Variants in CHL1 observed in about 807,000 individuals in gnomAD.
CHL1 encodes neural cell adhesion molecule L1-like protein.
In CHL1, 96 loss-of-function variants were observed where a neutral mutation model predicts 141.9. The observed-to-expected ratio is 0.68, with a 90% CI of 0.57 to 0.80. The LOEUF (loss-of-function observed/expected upper bound fraction) is 0.80, where lower values mean the gene tolerates loss of function less well. CHL1 is among the 30% of genes least tolerant of loss of function. CHL1 has a pLI of 0.00. For missense variants in CHL1, 1,820 were observed against 1,457.2 expected, an observed-to-expected ratio of 1.25 and a Z score of -4.05; for synonymous variants, 613 against 502.2, an observed-to-expected ratio of 1.22 and a Z score of -2.95.
rs12496889 is a variant in CHL1 at position 208,764 on chromosome 3, C to T, written c.-175+11701C>T. Reference sequence around the variant, plus strand: ...GTGGAAAATGGAGGTAATTCTGCAGCTATCCCATGTCCAAAAGTATTAAAA... The same window carrying T: ...GTGGAAAATGGAGGTAATTCTGCAGTTATCCCATGTCCAAAAGTATTAAAA... On this transcript the variant is annotated intron_variant, in intron 1 of 27. Coordinates refer to ENST00000256509, the MANE Select transcript of CHL1 (RefSeq NM_006614.4). Among the ~76,000 whole-genome samples the T allele has an allele frequency of 2.9e-3, 443 of 152,274 alleles. 5 individuals carry two copies. The highest frequency in any genetic ancestry group is 4.1e-3 in the Admixed American group (62 of 15,298).
chr3:342,936 G>A (rs1410630676), intron 7 of CHL1, 48 bp from the exon 8 acceptor site: 4 of 1,454,896 alleles, frequency 2.7e-6, no homozygotes, highest in South Asian at 2.5e-5. Context: ...ATTGATATCA[G>A]CATCCACCAT....
chr3:203,275 C>A (rs928337192), intron 1 of CHL1, among the ~76,000 whole-genome samples: 9 of 152,160 alleles, frequency 5.9e-5, no homozygotes, highest in African/African-American at 1.9e-4. Context: ...AAATTTCAGC[C>A]AACATTTAAA....
At chr3:387,154 G>A (rs540333010) in intron 19 of CHL1, among the ~76,000 whole-genome samples, 1 of 152,272 alleles carries the variant, frequency 6.6e-6, no homozygotes, top group African/African-American at 2.4e-5. Context: ...TATGTTGGAC[G>A]TGCAAGCTCT....
In CHL1 at chr3:400,900, CTTT is replaced by C. The variant is rs71058770; in HGVS notation, c.3386-709_3386-707del. Among the ~76,000 whole-genome samples the C allele has an allele frequency of 8.8e-3, 987 of 112,452 alleles. 10 individuals are homozygous for C. The highest frequency in any genetic ancestry group is 0.03 in the African/African-American group (932 of 31,252). The allele number at this position is 112,452 out of a possible 152,430, so 73.8% of individuals were successfully genotyped here. A position where few individuals can be genotyped will look rare whatever the true frequency, so the allele number is the denominator to read the frequency against. On this transcript the variant is annotated intron_variant, in intron 26 of 27. Transcript: ENST00000256509. ...TGATGTATAACAACCAAATGACTGC[CTTT>C]TTTTTTTTTTTTTTTTGAGACAAGG...
At chr3:335,485 G>A (rs1227188606) in intron 5 of CHL1, among the ~76,000 whole-genome samples, 1 of 152,180 alleles carries the variant, frequency 6.6e-6, no homozygotes. Context: ...ACCGGAGTTA[G>A]AGGTGATAAA....
intron 5 of CHL1, among the ~76,000 whole-genome samples, chr3:338,664 G>C (rs115682146): frequency 6.6e-6 from 1 of 152,070 alleles, no homozygotes; most frequent in Non-Finnish European, 1.5e-5. Flanking sequence ...ATAAGTATGC[G>C]TCCCTGTTTT....
At chr3:303,323 T>A (rs962290202) in intron 2 of CHL1, among the ~76,000 whole-genome samples, 2 of 152,214 alleles carry the variant, frequency 1.3e-5, no homozygotes, top group African/African-American at 4.8e-5. Context: ...AATCTATACA[T>A]TATTTTGAGC....
chr3:312,053 C>T (rs1699793473), intron 2 of CHL1, among the ~76,000 whole-genome samples: 1 of 152,104 alleles, frequency 6.6e-6, no homozygotes, highest in Non-Finnish European at 1.5e-5. Context: ...CATGTATATA[C>T]ATAAGTTTTT....
chr3:391,674 G>A lies in CHL1; in HGVS notation c.2792-1G>A. On this transcript the variant is annotated splice_acceptor_variant, in intron 22 of 27. Transcript: ENST00000256509. LOFTEE classifies it high-confidence loss of function. ...TTTATTTTTGGTCTTGTGTTTTCTA[G>A]TACCTGAACAGCCAACTTTTCTAAA... The A allele has an allele frequency of 6.3e-7, 1 of 1,598,292 alleles. No homozygotes were observed. Among genetic ancestry groups the A allele is most frequent in the Non-Finnish European group, 8.5e-7 (1 of 1,172,564 alleles).
chr3:265,221 T>A (rs147100874), intron 2 of CHL1, among the ~76,000 whole-genome samples: 87 of 152,350 alleles, frequency 5.7e-4, no homozygotes, highest in African/African-American at 1.9e-3. Flanking sequence ...GCTAGCTGCA[T>A]GAACTTAGCC....
intron 2 of CHL1, among the ~76,000 whole-genome samples, chr3:281,776 T>C (rs1485278593): frequency 2.0e-5 from 3 of 152,158 alleles, no homozygotes; most frequent in Non-Finnish European, 2.9e-5. Context: ...GCCAGGCTGG[T>C]CATGAACTCC....
At chr3:318,796 T>C (rs571749625) in intron 2 of CHL1, among the ~76,000 whole-genome samples, 11 of 151,662 alleles carry the variant, frequency 7.3e-5, no homozygotes, top group Non-Finnish European at 1.6e-4. Context: ...GATGAAAAGC[T>C]ATTTCACCGG....
intron 3 of CHL1, among the ~76,000 whole-genome samples, chr3:322,303 T>TA (rs35283349): frequency 0.31 from 46,560 of 151,392 alleles, 8,566 homozygotes; most frequent in African/African-American, 0.52. Flanking sequence ...AATGAAAAAT[T>TA]AAAAAAATAG....
chr3:246,202 TA>T (rs781622721), intron 2 of CHL1, among the ~76,000 whole-genome samples: 1 of 152,036 alleles, frequency 6.6e-6, no homozygotes, highest in Non-Finnish European at 1.5e-5. Context: ...TATTAAATTT[TA>T]AAAAAGAGAT....
At chr3:345,240 T>C (rs1238094066) in intron 9 of CHL1, among the ~76,000 whole-genome samples, 1 of 152,042 alleles carries the variant, frequency 6.6e-6, no homozygotes, top group Non-Finnish European at 1.5e-5. Context: ...GAGTTTTCTC[T>C]CTATGCTATA....
chr3:323,046 T>C (rs1404238207), intron 3 of CHL1, among the ~76,000 whole-genome samples: 1 of 152,050 alleles, frequency 6.6e-6, no homozygotes, highest in Non-Finnish European at 1.5e-5. Context: ...TGCGTCAAAG[T>C]ATTATGACAA....
At chr3:206,388 C>T (rs1016598392) in intron 1 of CHL1, among the ~76,000 whole-genome samples, 2 of 152,028 alleles carry the variant, frequency 1.3e-5, no homozygotes, top group Non-Finnish European at 2.9e-5. Context: ...ATCACTTGAA[C>T]CCAGGAGGCG....
At chr3:326,546 A>G (rs1701028195) in intron 4 of CHL1, among the ~76,000 whole-genome samples, 5 of 151,808 alleles carry the variant, frequency 3.3e-5, no homozygotes. Context: ...CAGGTGGCAG[A>G]GTACTATTGC....
Position 197,039 on chromosome 3 carries a change from A to C in CHL1, c.-199A>C, listed in dbSNP as rs1698386273. 1 of 152,060 alleles carries C rather than the reference A, an allele frequency of 6.6e-6. No homozygotes were observed. Among genetic ancestry groups the C allele is most frequent in the Admixed American group, 6.5e-5 (1 of 15,302 alleles). 9.4% of individuals were successfully genotyped at this position (152,060 alleles called of 1,614,324 possible). On this transcript the variant is annotated 5_prime_UTR_variant, in exon 1 of 28. Transcript: ENST00000256509. ...AGGCGCCCGAGGGGAGGCGCCGGAC[A>C]GATCGCGTTTCGGAGGCGGCGCAGG... is the stretch of plus-strand genomic sequence containing the variant.
Sources: gnomAD v4.1 joint callset for allele counts (sites outside exome capture counted in the v4.1 genomes callset) on GRCh38, gnomAD v4.1.1 for gene constraint, MANE v1.5 for transcripts, NCBI Gene and HGNC (gene_info 2026-07-23, HGNC 2026-07-21) for gene names.